The following INPP4B variants were observed in gnomAD, a reference collection of about 807,000 sequenced individuals.
The protein encoded by INPP4B is inositol polyphosphate 4-phosphatase type II.
INPP4B carries 55 observed loss-of-function variants against 122.5 expected under a neutral mutation model. The observed-to-expected ratio is 0.45, with a 90% confidence interval of 0.36 to 0.56. The LOEUF is 0.56. INPP4B is among the 20% of genes least tolerant of loss of function. INPP4B has a pLI of 0.00. For synonymous variants in INPP4B, 403 were observed against 388.7 expected, an observed-to-expected ratio of 1.04 and a Z score of -0.43; for missense variants, 1,000 against 1,097.7, an observed-to-expected ratio of 0.91 and a Z score of 1.26.
intron 2 of INPP4B, among the ~76,000 whole-genome samples, chr4:142,712,012 C>T (rs773034099): frequency 6.6e-6 from 1 of 152,088 alleles, no homozygotes; most frequent in African/African-American, 2.4e-5. Flanking sequence ...TGTGCCACTG[C>T]ACTCCAGCCT....
intron 7 of INPP4B, among the ~76,000 whole-genome samples, chr4:142,381,857 G>T (rs1333411416): frequency 1.3e-5 from 2 of 151,236 alleles, no homozygotes; most frequent in East Asian, 3.9e-4. Context: ...CATGAATCTT[G>T]CAGTCTGCTT....
chr4:142,459,848 A>G (rs574877720), intron 3 of INPP4B, among the ~76,000 whole-genome samples: 1 of 152,338 alleles, frequency 6.6e-6, no homozygotes, highest in South Asian at 2.1e-4. Flanking sequence ...TTCAGAAATT[A>G]TATGTTACTA....
At chr4:142,371,098 A>C (rs541162187) in intron 7 of INPP4B, among the ~76,000 whole-genome samples, 22 of 152,282 alleles carry the variant, frequency 1.4e-4, no homozygotes, top group African/African-American at 4.8e-4. Context: ...GACCAATGGA[A>C]CAGAAGAGAG....
intron 18 of INPP4B, among the ~76,000 whole-genome samples, chr4:142,136,009 G>A (rs1043095142): frequency 2.6e-5 from 4 of 152,190 alleles, no homozygotes; most frequent in Non-Finnish European, 5.9e-5. Context: ...GTGTTAGCCA[G>A]GATGGTCTCG....
chr4:142,300,012 CTTTA>C (rs1288056204), intron 9 of INPP4B, among the ~76,000 whole-genome samples: 1 of 152,134 alleles, frequency 6.6e-6, no homozygotes, highest in Non-Finnish European at 1.5e-5. Flanking sequence ...CATACATCAA[CTTTA>C]TTTGTGTGCA....
At chr4:142,828,625 A>G (rs1008450183) in intron 1 of INPP4B, among the ~76,000 whole-genome samples, 1 of 152,180 alleles carries the variant, frequency 6.6e-6, no homozygotes, top group Admixed American at 6.5e-5. Context: ...TTAATTTTAG[A>G]CAAGAGTGGG....
At chr4:142,568,558 G>A (rs1297292041) in intron 2 of INPP4B, among the ~76,000 whole-genome samples, 1 of 152,020 alleles carries the variant, frequency 6.6e-6, no homozygotes, top group African/African-American at 2.4e-5. Context: ...AGTATCCAAA[G>A]AAGTTAATGA....
intron 2 of INPP4B, among the ~76,000 whole-genome samples, chr4:142,625,344 A>T (rs906490212): frequency 2.6e-5 from 4 of 152,294 alleles, no homozygotes; most frequent in Admixed American, 1.3e-4. Flanking sequence ...AATAACAGAC[A>T]AAGAGAGAGT....
At chr4:142,819,759 C>T (rs931600712) in intron 1 of INPP4B, among the ~76,000 whole-genome samples, 3 of 152,036 alleles carry the variant, frequency 2.0e-5, no homozygotes, top group Non-Finnish European at 4.4e-5. Context: ...AGGGGGCCAC[C>T]TCACCAGGGA....
In INPP4B at chr4:142,449,580, T is replaced by C. The variant is rs866659990; in HGVS notation, c.-127+13083A>G. ...AGCTGGGTGTGGTGGCGCATGCCTG[T>C]AATCCCAGCTACTTGCGAGGCTGAG... is the stretch of plus-strand genomic sequence containing the variant. On this transcript the variant is annotated intron_variant, in intron 3 of 25. Transcript: ENST00000262992. Among the ~76,000 whole-genome samples, 7 of 152,014 alleles carry C rather than the reference T, an allele frequency of 4.6e-5. No homozygotes were observed. In the South Asian group the frequency reaches 1.4e-3, roughly 31 times the overall value.
intron 7 of INPP4B, among the ~76,000 whole-genome samples, chr4:142,370,471 T>C (rs1197240945): frequency 2.0e-5 from 3 of 152,010 alleles, no homozygotes; most frequent in African/African-American, 7.2e-5. Flanking sequence ...TAAGAAGAAA[T>C]AAAAGACATC....
At chr4:142,727,576 C>T (rs547238219) in intron 1 of INPP4B, among the ~76,000 whole-genome samples, 1 of 152,176 alleles carries the variant, frequency 6.6e-6, no homozygotes, top group South Asian at 2.1e-4. Flanking sequence ...GGATTTAAAA[C>T]ATAATCTTAA....
rs889450315 is a variant in INPP4B at position 142,502,706 on chromosome 4, C to T, written c.-190-39980G>A. ...ATATTGGCCAGGCTGGTCTTGAACT[C>T]CCAACCTCAGGTGATCCACCTGCCC... On this transcript the variant is annotated intron_variant, in intron 2 of 25. Transcript: ENST00000262992. Among the ~76,000 whole-genome samples, 3 of 152,100 alleles carry T rather than the reference C, an allele frequency of 2.0e-5. No individual in the cohort carries two copies. In the South Asian group the frequency reaches 6.2e-4, roughly 32 times the overall value.
intron 2 of INPP4B, among the ~76,000 whole-genome samples, chr4:142,529,005 A>G (rs1204263218): frequency 1.3e-5 from 2 of 152,116 alleles, no homozygotes; most frequent in Non-Finnish European, 2.9e-5. Flanking sequence ...AATTTTTCAA[A>G]AGAAAAATTT....
intron 25 of INPP4B, among the ~76,000 whole-genome samples, chr4:142,073,256 A>G (rs903236871): frequency 2.6e-5 from 4 of 152,138 alleles, no homozygotes; most frequent in African/African-American, 9.7e-5. Context: ...AATTATGCAT[A>G]ATGCATTTTT....
chr4:142,070,263 A>T (rs78598879), intron 25 of INPP4B, among the ~76,000 whole-genome samples: 1 of 152,196 alleles, frequency 6.6e-6, no homozygotes, highest in Admixed American at 6.5e-5. Context: ...AGAAGCATAA[A>T]ATGCCTTCGA....
chr4:142,529,823 T>C (rs1827369888), intron 2 of INPP4B, among the ~76,000 whole-genome samples: 1 of 151,914 alleles, frequency 6.6e-6, no homozygotes, highest in African/African-American at 2.4e-5. Flanking sequence ...TGGTAATGGG[T>C]GAGAGAATGT....
intron 25 of INPP4B, among the ~76,000 whole-genome samples, chr4:142,068,903 G>A (rs1237795341): frequency 2.6e-5 from 4 of 152,162 alleles, no homozygotes; most frequent in Non-Finnish European, 5.9e-5. Context: ...ACACCCCACT[G>A]TCAACATTAG....
At chr4:142,294,829 C>CAGAAAAAAAAAAAAAAAAAAAAA (rs1757903392) in intron 9 of INPP4B, among the ~76,000 whole-genome samples, 1 of 28,462 alleles carries the variant, frequency 3.5e-5, no homozygotes, top group African/African-American at 1.2e-4. Flanking sequence ...GACTCCGTCT[C>CAGAAAAAAAAAAAAAAAAAAAAA]AAAAAAAAAA....
Sources: gnomAD v4.1 joint callset for allele counts (sites outside exome capture counted in the v4.1 genomes callset) on GRCh38, gnomAD v4.1.1 for gene constraint, MANE v1.5 for transcripts, NCBI Gene and HGNC (gene_info 2026-07-23, HGNC 2026-07-21) for gene names.